Variants in FNDC3A observed in about 807,000 individuals in gnomAD.
FNDC3A encodes fibronectin type-III domain-containing protein 3A.
A neutral mutation model predicts 148.9 loss-of-function variants in FNDC3A; 32 were observed. That is an observed-to-expected ratio of 0.21 (90% CI 0.16 to 0.29). FNDC3A has a LOEUF of 0.29. Among genes scored for constraint, FNDC3A ranks in the 10% least tolerant of loss-of-function variants. The probability of loss-of-function intolerance (pLI) is 1.00; values close to 1 mark genes in which losing one functional copy is unlikely to be tolerated. For synonymous variants in FNDC3A, 472 were observed against 473.6 expected (o/e 1.00, Z 0.04); for missense variants, 1,191 against 1,452.8 (o/e 0.82, Z 2.93).
intron 11 of FNDC3A, among the ~76,000 whole-genome samples, chr13:49,173,302 C>G (rs1476788621): frequency 6.6e-6 from 1 of 152,118 alleles, no homozygotes; most frequent in African/African-American, 2.4e-5. Flanking sequence ...AGATTTTATT[C>G]CGGAAATTCT....
intron 2 of FNDC3A, among the ~76,000 whole-genome samples, chr13:49,051,606 T>A (rs1203794051): frequency 6.6e-6 from 1 of 152,224 alleles, no homozygotes; most frequent in African/African-American, 2.4e-5. Flanking sequence ...CTCTTAAGAT[T>A]CTTTCCTTTG....
chr13:49,156,650 G>T, intron 8 of FNDC3A, among the ~76,000 whole-genome samples: 1 of 151,166 alleles, frequency 6.6e-6, no homozygotes, highest in Non-Finnish European at 1.5e-5. Flanking sequence ...ATTTTGCAGC[G>T]GCTGGTACCA....
rs1036672653 is a variant in FNDC3A, at chr13:49,041,729, T to G, written c.100-33560T>G. On this transcript the variant is annotated intron_variant, in intron 2 of 25. Transcript: ENST00000492622. ...GGGAGGGTAAGGCAGGAGATTTGCT[T>G]GAACCCAGGATGCGGAGGTTGCAAT... Among the ~76,000 whole-genome samples the G allele has an allele frequency of 3.3e-5, 5 of 150,466 alleles. No homozygotes were observed. The East Asian group carries it at 9.8e-4, about 29-fold the overall frequency.
intron 1 of FNDC3A, among the ~76,000 whole-genome samples, chr13:48,991,341 A>T (rs1241993371): frequency 6.6e-6 from 1 of 152,210 alleles, no homozygotes. Flanking sequence ...GGATTATTTC[A>T]TACTAGTAAA....
At chr13:49,198,315 TA>T in intron 22 of FNDC3A, 46 bp from the exon 23 acceptor site, 1 of 1,611,358 alleles carries the variant, frequency 6.2e-7, no homozygotes, top group Non-Finnish European at 8.5e-7. Flanking sequence ...AGAGACGCTT[TA>T]AATAAAACAA....
chr13:49,090,136 C>T (rs1205277911), intron 3 of FNDC3A, among the ~76,000 whole-genome samples: 1 of 152,058 alleles, frequency 6.6e-6, no homozygotes, highest in East Asian at 1.9e-4. Context: ...AGAACATATC[C>T]CAGAGGCCAG....
chr13:49,143,893 C>T (rs1172802606), intron 7 of FNDC3A, among the ~76,000 whole-genome samples: 3 of 152,000 alleles, frequency 2.0e-5, no homozygotes, highest in Admixed American at 1.3e-4. Context: ...ACCTGTAATT[C>T]CAACACTTTG....
At chr13:49,057,454 A>C (rs1876333532) in intron 2 of FNDC3A, among the ~76,000 whole-genome samples, 2 of 150,664 alleles carry the variant, frequency 1.3e-5, no homozygotes, top group South Asian at 4.2e-4. Context: ...TGCCAGATAA[A>C]CTCTCAACTT....
At chr13:49,054,645 G>A (rs536131035) in intron 2 of FNDC3A, among the ~76,000 whole-genome samples, 1 of 152,344 alleles carries the variant, frequency 6.6e-6, no homozygotes, top group South Asian at 2.1e-4. Flanking sequence ...AAGACATGAA[G>A]GCAGAGATGG....
At chr13:49,194,041 A>G in intron 19 of FNDC3A, among the ~76,000 whole-genome samples, 1 of 152,184 alleles carries the variant, frequency 6.6e-6, no homozygotes, top group East Asian at 1.9e-4. Context: ...CTGGCAGATC[A>G]CTTCAGGCCA....
At chr13:49,110,857 C>A (rs1374278306) in intron 3 of FNDC3A, among the ~76,000 whole-genome samples, 1 of 152,172 alleles carries the variant, frequency 6.6e-6, no homozygotes, top group Non-Finnish European at 1.5e-5. Context: ...GAAATATCTT[C>A]TTTAAGTCAG....
At chr13:48,996,935 C>T (rs902397746) in intron 1 of FNDC3A, among the ~76,000 whole-genome samples, 11 of 151,904 alleles carry the variant, frequency 7.2e-5, no homozygotes, top group Non-Finnish European at 1.2e-4. Flanking sequence ...TGGTGGCAAG[C>T]GCATGTAATC....
At chr13:49,082,844 G>T (rs1878568147) in intron 3 of FNDC3A, among the ~76,000 whole-genome samples, 1 of 152,094 alleles carries the variant, frequency 6.6e-6, no homozygotes, top group Non-Finnish European at 1.5e-5. Flanking sequence ...ATGTAGTGTG[G>T]CATGTAAGAA....
Position 49,043,855 on chromosome 13 carries a change from TTAAA to T in FNDC3A, c.100-31427_100-31424del, listed in dbSNP as rs556084023. ...CCCTCTCCTTCAGCAACTCAAAAGA[TTAAA>T]TAAATACTGTAGAAAAAATGAAGAG... On this transcript the variant is annotated intron_variant, in intron 2 of 25. Transcript: ENST00000492622. Among the ~76,000 whole-genome samples, 456 of 152,282 alleles carry T rather than the reference TTAAA, an allele frequency of 3.0e-3. 3 individuals are homozygous for T. Among genetic ancestry groups the T allele is most frequent in the African/African-American group, 0.01 (428 of 41,562 alleles).
chr13:49,060,181 A>G (rs1360645706), intron 2 of FNDC3A, among the ~76,000 whole-genome samples: 3 of 152,234 alleles, frequency 2.0e-5, no homozygotes, highest in Non-Finnish European at 1.5e-5. Context: ...AGGAACGTGT[A>G]TATCCAAAAG....
chr13:49,065,692 T>C (rs142114810), intron 2 of FNDC3A, among the ~76,000 whole-genome samples: 1 of 152,294 alleles, frequency 6.6e-6, no homozygotes, highest in East Asian at 1.9e-4. Context: ...ATAAACATAA[T>C]GGTTTTATGA....
chr13:48,980,131 A>G (rs1398463982), intron 1 of FNDC3A, among the ~76,000 whole-genome samples: 1 of 152,202 alleles, frequency 6.6e-6, no homozygotes, highest in Non-Finnish European at 1.5e-5. Flanking sequence ...GACTTCTAAC[A>G]AGAGCCTAGA....
chr13:49,110,292 C>T (rs1158065386), intron 3 of FNDC3A: 3 of 1,514,510 alleles, frequency 2.0e-6, no homozygotes, highest in East Asian at 2.4e-5. Flanking sequence ...TTTCCTCTTA[C>T]AGCCTTGCAA....
chr13:49,011,191 T>C (rs1308274988), intron 2 of FNDC3A, among the ~76,000 whole-genome samples: 2 of 152,090 alleles, frequency 1.3e-5, no homozygotes, highest in African/African-American at 2.4e-5. Flanking sequence ...GTGAATATTC[T>C]CTCCTGTTCC....
Sources: allele counts gnomAD v4.1 joint callset (sites outside exome capture counted in the v4.1 genomes callset), GRCh38; gene constraint gnomAD v4.1.1; transcripts MANE v1.5; gene names NCBI Gene and HGNC (gene_info 2026-07-23, HGNC 2026-07-21).